The following ARHGAP22 variants were observed in gnomAD, a reference collection of about 807,000 sequenced individuals.
The protein encoded by ARHGAP22 is Rho GTPase activating protein 22.
In ARHGAP22, 48 loss-of-function variants were observed where a neutral mutation model predicts 59.1. That is an observed-to-expected ratio of 0.81 (90% CI 0.64 to 1.03). The LOEUF (loss-of-function observed/expected upper bound fraction) is 1.03. Among genes scored for constraint, ARHGAP22 ranks in the 50% least tolerant of loss-of-function variants. ARHGAP22 has a pLI of 0.00. For missense variants in ARHGAP22, 1,015 were observed against 958.7 expected, an observed-to-expected ratio of 1.06 and a Z score of -0.78; for synonymous variants, 445 against 416.4, an observed-to-expected ratio of 1.07 and a Z score of -0.84.
chr10:48,595,743 C>A (rs1359223245), intron 1 of ARHGAP22, among the ~76,000 whole-genome samples: 2 of 152,254 alleles, frequency 1.3e-5, no homozygotes, highest in East Asian at 3.9e-4. Flanking sequence ...TGGTCTCAAC[C>A]TCCTGGCCTC....
chr10:48,443,757 A>G (rs1477770371), downstream of ARHGAP22: 1 of 152,150 alleles, frequency 6.6e-6, no homozygotes, highest in African/African-American at 2.4e-5. Flanking sequence ...ACATGGATAT[A>G]TGGGTTCCAT....
At chr10:48,513,218 G>A (rs774798259) in intron 3 of ARHGAP22, among the ~76,000 whole-genome samples, 11 of 152,164 alleles carry the variant, frequency 7.2e-5, no homozygotes, top group Non-Finnish European at 1.5e-4. Flanking sequence ...ATACCAATTG[G>A]GGCAAACAAG....
At chr10:48,449,334 G>T (rs977364757) in intron 9 of ARHGAP22, among the ~76,000 whole-genome samples, 7 of 152,182 alleles carry the variant, frequency 4.6e-5, no homozygotes, top group African/African-American at 1.7e-4. Context: ...TGCCCTCAAG[G>T]TCCCTCTCCT....
chr10:48,505,940 C>A (rs746267817), intron 3 of ARHGAP22, among the ~76,000 whole-genome samples: 2 of 152,238 alleles, frequency 1.3e-5, no homozygotes, highest in African/African-American at 4.8e-5. Context: ...GTTCTGCCCC[C>A]TCTCTGGCTA....
chr10:48,557,517 C>T (rs934707700), intron 2 of ARHGAP22, among the ~76,000 whole-genome samples: 1 of 152,196 alleles, frequency 6.6e-6, no homozygotes, highest in South Asian at 2.1e-4. Flanking sequence ...CCCAGACAAG[C>T]AGACAGAGGT....
intron 3 of ARHGAP22, among the ~76,000 whole-genome samples, chr10:48,540,964 G>C (rs180743269): frequency 5.3e-5 from 8 of 151,984 alleles, no homozygotes; most frequent in African/African-American, 1.4e-4. Flanking sequence ...ATGTTGTTTT[G>C]CTTGAAAGTG....
chr10:48,602,467 C>T (rs952147205), intron 1 of ARHGAP22, among the ~76,000 whole-genome samples: 1 of 151,724 alleles, frequency 6.6e-6, no homozygotes. Flanking sequence ...GAAAAAAAAC[C>T]CACTCTAATA....
chr10:48,547,211 G>T (rs1383016871), intron 3 of ARHGAP22, among the ~76,000 whole-genome samples: 3 of 152,212 alleles, frequency 2.0e-5, no homozygotes, highest in African/African-American at 7.2e-5. Context: ...ACACCAGCTT[G>T]CCTAGGCAAC....
chr10:48,481,330 G>C (rs1289803367), intron 3 of ARHGAP22, among the ~76,000 whole-genome samples: 1 of 152,198 alleles, frequency 6.6e-6, no homozygotes, highest in Non-Finnish European at 1.5e-5. Flanking sequence ...GAGTGTGCGA[G>C]ATAGGGAGAG....
chr10:48,477,464 A>G (rs981186634), intron 4 of ARHGAP22, among the ~76,000 whole-genome samples: 5 of 152,182 alleles, frequency 3.3e-5, no homozygotes, highest in African/African-American at 4.8e-5. Context: ...GGCTGCCATG[A>G]ACATCCCATG....
rs142494528 is a variant in ARHGAP22 at position 48,533,631 on chromosome 10, C to A, written c.322+21832G>T. Among the ~76,000 whole-genome samples, 10 of 152,300 alleles carry A rather than the reference C, an allele frequency of 6.6e-5. No individual in the cohort carries two copies. In the East Asian group the frequency reaches 1.5e-3, roughly 23 times the overall value. On this transcript the variant is annotated intron_variant, in intron 3 of 9. Coordinates refer to ENST00000249601, the MANE Select transcript of ARHGAP22 (RefSeq NM_021226.4). ...GGGGCAGATAGTAAACATATTTAAGCTTTGAGGGCCATACAGTCTCTTTAG... is the reference window on the plus strand; with the variant it reads ...GGGGCAGATAGTAAACATATTTAAGATTTGAGGGCCATACAGTCTCTTTAG...
intron 1 of ARHGAP22, among the ~76,000 whole-genome samples, chr10:48,622,266 C>G (rs968501703): frequency 6.6e-6 from 1 of 151,388 alleles, no homozygotes; most frequent in African/African-American, 2.4e-5. Context: ...TTCTGTCATA[C>G]CCTTTTAAGA....
intron 4 of ARHGAP22, among the ~76,000 whole-genome samples, chr10:48,461,001 T>C (rs1284420476): frequency 2.6e-5 from 4 of 152,172 alleles, no homozygotes; most frequent in Non-Finnish European, 5.9e-5. Context: ...CAAGTTAGAA[T>C]TGAATGGGCA....
chr10:48,617,020 C>A (rs571396578), intron 1 of ARHGAP22, among the ~76,000 whole-genome samples: 2 of 151,924 alleles, frequency 1.3e-5, no homozygotes, highest in African/African-American at 4.8e-5. Context: ...CATTAATAGG[C>A]CCACAATGTA....
chr10:48,589,099 C>A (rs565133471), intron 1 of ARHGAP22, among the ~76,000 whole-genome samples: 11 of 152,252 alleles, frequency 7.2e-5, no homozygotes, highest in African/African-American at 2.4e-4. Context: ...CACATACCTG[C>A]CTCTCCTTCC....
intron 1 of ARHGAP22, among the ~76,000 whole-genome samples, chr10:48,588,901 G>A (rs77748423): frequency 0.069 from 10,465 of 152,222 alleles, 378 homozygotes; most frequent in Middle Eastern, 0.11. Context: ...CCTCCACCCC[G>A]TGGAGGGAGG....
chr10:48,534,555 G>A (rs2055173290), intron 3 of ARHGAP22, among the ~76,000 whole-genome samples: 1 of 152,238 alleles, frequency 6.6e-6, no homozygotes. Context: ...CTCAGGGTGG[G>A]AGGCGGTCTC....
chr10:48,551,255 G>A (rs1475572317), intron 3 of ARHGAP22, among the ~76,000 whole-genome samples: 12 of 152,206 alleles, frequency 7.9e-5, no homozygotes, highest in Non-Finnish European at 1.3e-4. Context: ...CTGACTTCCT[G>A]CAGGTGGCAT....
intron 8 of ARHGAP22, among the ~76,000 whole-genome samples, chr10:48,451,779 G>A (rs534328462): frequency 8.0e-4 from 114 of 143,368 alleles, no homozygotes; most frequent in African/African-American, 2.9e-3. Flanking sequence ...ACACACAATC[G>A]CACATACAAT....
Sources: allele counts gnomAD v4.1 joint callset (sites outside exome capture counted in the v4.1 genomes callset), GRCh38; gene constraint gnomAD v4.1.1; transcripts MANE v1.5; gene names NCBI Gene and HGNC (gene_info 2026-07-23, HGNC 2026-07-21).